The following DOCK3 variants were observed in gnomAD, a reference collection of about 807,000 sequenced individuals.
The protein encoded by DOCK3 is dedicator of cytokinesis 3.
A neutral mutation model predicts 265.6 loss-of-function variants in DOCK3; 60 were observed. That is an observed-to-expected ratio of 0.23 (90% confidence interval 0.18 to 0.28). DOCK3 has a LOEUF of 0.28. Among genes scored for constraint, DOCK3 ranks in the 10% least tolerant of loss-of-function variants. The probability of loss-of-function intolerance (pLI) is 1.00; values close to 1 mark genes in which losing one functional copy is unlikely to be tolerated. For missense variants in DOCK3, 1,981 were observed against 2,594.3 expected (o/e 0.76, Z 5.14); for synonymous variants, 881 against 938.0 (o/e 0.94, Z 1.11).
At chr3:50,997,099 T>C (rs996509139) in intron 5 of DOCK3, among the ~76,000 whole-genome samples, 1 of 152,230 alleles carries the variant, frequency 6.6e-6, no homozygotes, top group African/African-American at 2.4e-5. Flanking sequence ...CCATTATTGT[T>C]TTCTGTGCTA....
intron 5 of DOCK3, among the ~76,000 whole-genome samples, chr3:50,936,566 G>A (rs986421256): frequency 2.0e-5 from 3 of 152,068 alleles, no homozygotes; most frequent in African/African-American, 7.2e-5. Context: ...GGTAGCTAGA[G>A]GACATTAACA....
At chr3:50,812,886 A>C (rs2106787754) in intron 2 of DOCK3, among the ~76,000 whole-genome samples, 1 of 152,370 alleles carries the variant, frequency 6.6e-6, no homozygotes, top group Non-Finnish European at 1.5e-5. Context: ...GGGCAAAGAA[A>C]GGTGAGTTTA....
chr3:51,250,450 C>T (rs1332816552), intron 22 of DOCK3, among the ~76,000 whole-genome samples: 1 of 152,142 alleles, frequency 6.6e-6, no homozygotes, highest in Non-Finnish European at 1.5e-5. Context: ...GAAACCCCAT[C>T]TCTACTGAAA....
chr3:50,948,033 T>C (rs868568414), intron 5 of DOCK3, among the ~76,000 whole-genome samples: 32,032 of 134,972 alleles, frequency 0.24, 4,795 homozygotes, highest in East Asian at 0.33. Flanking sequence ...TTATTATTAT[T>C]ATTATTATTA....
intron 2 of DOCK3, among the ~76,000 whole-genome samples, chr3:50,831,239 T>C (rs974792111): frequency 5.9e-5 from 9 of 151,306 alleles, no homozygotes; most frequent in African/African-American, 1.9e-4. Context: ...TTAATTTTTT[T>C]TATTTTTTAA....
chr3:51,082,195 C>T (rs1338619361), intron 7 of DOCK3, among the ~76,000 whole-genome samples: 1 of 152,046 alleles, frequency 6.6e-6, no homozygotes, highest in African/African-American at 2.4e-5. Context: ...CTCACACTAC[C>T]TCTGAGATTC....
At chr3:50,896,823 G>A (rs2048915803) in intron 4 of DOCK3, among the ~76,000 whole-genome samples, 1 of 152,030 alleles carries the variant, frequency 6.6e-6, no homozygotes, top group African/African-American at 2.4e-5. Flanking sequence ...TATTTCTGAG[G>A]CCTCTGTTCT....
chr3:51,110,532 A>G (rs1027230632), intron 9 of DOCK3, among the ~76,000 whole-genome samples: 2 of 152,232 alleles, frequency 1.3e-5, no homozygotes, highest in African/African-American at 4.8e-5. Context: ...TGATTTCAAC[A>G]TACTCAGATG....
At chr3:51,322,971 C>CAA (rs796079863) in intron 32 of DOCK3, among the ~76,000 whole-genome samples, 9 of 110,074 alleles carry the variant, frequency 8.2e-5, no homozygotes, top group African/African-American at 2.6e-4. Context: ...AAATGGAAAG[C>CAA]AAAAAAAAAA....
intron 3 of DOCK3, among the ~76,000 whole-genome samples, chr3:50,846,199 T>C (rs1000752108): frequency 3.9e-5 from 6 of 152,200 alleles, no homozygotes; most frequent in East Asian, 1.9e-4. Context: ...GAGGTCATAG[T>C]TGGCCAAGGA....
At chr3:50,910,445 C>A (rs539470891) in intron 4 of DOCK3, among the ~76,000 whole-genome samples, 2 of 152,150 alleles carry the variant, frequency 1.3e-5, no homozygotes, top group Non-Finnish European at 2.9e-5. Context: ...CCAAGTCCAG[C>A]AGCTCTTAGC....
At chr3:51,158,833 C>G (rs945418968) in intron 10 of DOCK3, among the ~76,000 whole-genome samples, 3 of 152,116 alleles carry the variant, frequency 2.0e-5, no homozygotes, top group South Asian at 4.1e-4. Context: ...TAGTGGAGAA[C>G]AAACTTATAG....
intron 1 of DOCK3, among the ~76,000 whole-genome samples, chr3:50,775,787 T>C (rs2041559076): frequency 6.6e-6 from 1 of 152,128 alleles, no homozygotes. Flanking sequence ...TTACTCTGTA[T>C]GTCTTTGTGT....
At chr3:51,075,597 C>G (rs563568705) in intron 7 of DOCK3, among the ~76,000 whole-genome samples, 157 bp downstream of exon 7, 1 of 152,328 alleles carries the variant, frequency 6.6e-6, no homozygotes, top group African/African-American at 2.4e-5. Context: ...GTCACACTAG[C>G]TTTCCAAATA....
intron 9 of DOCK3, among the ~76,000 whole-genome samples, chr3:51,138,429 CA>C: frequency 6.6e-6 from 1 of 152,182 alleles, no homozygotes; most frequent in African/African-American, 2.4e-5. Flanking sequence ...TAAAAATTGT[CA>C]AAAAGGCCAG....
chr3:51,010,524 A>G (rs1220177746), intron 5 of DOCK3, among the ~76,000 whole-genome samples: 1 of 152,020 alleles, frequency 6.6e-6, no homozygotes, highest in East Asian at 1.9e-4. Context: ...CCTGCACATG[A>G]GATGGGTCTC....
Position 50,890,053 on chromosome 3 carries a change from T to A in DOCK3, c.190T>A (p.Leu64Met). Residue 64 changes from leucine (L) to methionine (M), a missense_variant, in exon 4 of 53, where the codon TTG becomes ATG. By Grantham distance (15) the Leu-to-Met change is conservative. Around this residue, in one of 4 missense-constraint regions of DOCK3, gnomAD observed 456 missense variants for 539.0 expected, o/e 0.85. Transcript: ENST00000266037. ...GATCTTTCCTGCAAATTACATTCACTTGAAAAAGGCAATTGTCAGTAATAG... is the reference window on the plus strand; with the variant it reads ...GATCTTTCCTGCAAATTACATTCACATGAAAAAGGCAATTGTCAGTAATAG... Reference protein sequence around the residue: ...KGIFPANYIHLKKAIVSNRGQ... With the variant: ...KGIFPANYIHMKKAIVSNRGQ... 7.0e-7 allele frequency: 1 copy of A among 1,420,250 alleles called. No individual in the cohort carries two copies. Among genetic ancestry groups the A allele is most frequent in the Non-Finnish European group, 9.1e-7 (1 of 1,096,248 alleles). The allele number at this position is 1,420,250 out of a possible 1,614,324, so 88.0% of individuals were successfully genotyped here.
intron 5 of DOCK3, among the ~76,000 whole-genome samples, chr3:51,017,607 A>G (rs1311921803): frequency 6.6e-6 from 1 of 151,594 alleles, no homozygotes; most frequent in East Asian, 1.9e-4. Flanking sequence ...TAACCTCTTC[A>G]TTGACTCACT....
At chr3:50,760,499 T>A (rs1437964507) in intron 1 of DOCK3, among the ~76,000 whole-genome samples, 1 of 152,192 alleles carries the variant, frequency 6.6e-6, no homozygotes, top group African/African-American at 2.4e-5. Context: ...TTCACTAAAT[T>A]ATATGAGGCA....
Sources: gnomAD v4.1 joint callset for allele counts (sites outside exome capture counted in the v4.1 genomes callset) on GRCh38, gnomAD v4.1.1 for gene constraint, gnomAD v4.1.1 regional missense constraint, MANE v1.5 for transcripts, NCBI Gene and HGNC (gene_info 2026-07-23, HGNC 2026-07-21) for gene names.